The following ADCY10 variants were observed in gnomAD, a reference collection of about 807,000 sequenced individuals.
The protein encoded by ADCY10 is adenylate cyclase type 10.
A neutral mutation model predicts 183.3 loss-of-function variants in ADCY10; 156 were observed. The observed-to-expected ratio is 0.85, with a 90% CI of 0.75 to 0.97. The LOEUF is 0.97. ADCY10 is among the 50% of genes least tolerant of loss of function. ADCY10 has a pLI of 0.00. For synonymous variants in ADCY10, 645 were observed against 670.0 expected, an observed-to-expected ratio of 0.96 and a Z score of 0.58; for missense variants, 1,745 against 1,934.3, an observed-to-expected ratio of 0.90 and a Z score of 1.84.
At chr1:167,851,854 TTAGTC>T (rs1219873554) in intron 18 of ADCY10, among the ~76,000 whole-genome samples, 1 of 152,110 alleles carries the variant, frequency 6.6e-6, no homozygotes, top group African/African-American at 2.4e-5. Context: ...ATACAATACT[TTAGTC>T]TACTGTCCAT....
intron 31 of ADCY10, among the ~76,000 whole-genome samples, chr1:167,816,639 A>G (rs1400218355): frequency 6.6e-6 from 1 of 152,204 alleles, no homozygotes; most frequent in Non-Finnish European, 1.5e-5. Context: ...ACTTTTCCTC[A>G]GAAACCATGC....
At chr1:167,828,447 T>A (rs1231172189) in intron 26 of ADCY10, among the ~76,000 whole-genome samples, 1 of 152,246 alleles carries the variant, frequency 6.6e-6, no homozygotes, top group African/African-American at 2.4e-5. Context: ...CTCTCATGAA[T>A]ATACACTGGA....
intron 31 of ADCY10, among the ~76,000 whole-genome samples, chr1:167,811,719 T>C (rs1446713858): frequency 2.0e-5 from 3 of 152,080 alleles, no homozygotes; most frequent in Non-Finnish European, 4.4e-5. Context: ...GACTCACAAG[T>C]GGAAACCACT....
chr1:167,861,251 ATTAAT>A (rs1247361556), intron 14 of ADCY10, among the ~76,000 whole-genome samples, 188 bp from the exon 15 acceptor site: 1 of 152,106 alleles, frequency 6.6e-6, no homozygotes, highest in African/African-American at 2.4e-5. Context: ...CTAAGCCCTG[ATTAAT>A]TTAACCTAGC....
chr1:167,864,526 C>T (rs573047739), intron 14 of ADCY10, among the ~76,000 whole-genome samples: 27 of 151,896 alleles, frequency 1.8e-4, no homozygotes, highest in African/African-American at 6.5e-4. Context: ...CCCCCTTCGC[C>T]CCCACAGTAG....
intron 15 of ADCY10, among the ~76,000 whole-genome samples, chr1:167,860,334 T>A (rs148854862): frequency 1.3e-5 from 2 of 152,046 alleles, no homozygotes; most frequent in African/African-American, 4.8e-5. Flanking sequence ...CAGTTCACAA[T>A]AGGGTTCAGG....
intron 21 of ADCY10, among the ~76,000 whole-genome samples, chr1:167,844,887 CTGGCCACCATG>C (rs1360151107): frequency 6.6e-6 from 1 of 152,146 alleles, no homozygotes; most frequent in Non-Finnish European, 1.5e-5. Flanking sequence ...TAGGAGCTCC[CTGGCCACCATG>C]AATGGGGGCT....
At chr1:167,872,294 C>T (rs1667162556) in intron 13 of ADCY10, among the ~76,000 whole-genome samples, 1 of 151,614 alleles carries the variant, frequency 6.6e-6, no homozygotes, top group South Asian at 2.1e-4. Flanking sequence ...GCCGAGATGG[C>T]GCCATTGCAC....
intron 14 of ADCY10, among the ~76,000 whole-genome samples, chr1:167,861,721 T>A (rs1666300081): frequency 6.6e-6 from 1 of 152,210 alleles, no homozygotes; most frequent in Non-Finnish European, 1.5e-5. Context: ...CCTCACTATA[T>A]TCAACTTTTA....
intron 30 of ADCY10, chr1:167,818,539 C>T: frequency 2.0e-6 from 1 of 488,256 alleles, no homozygotes; most frequent in Admixed American, 2.8e-5. Context: ...TTGGCTTTGG[C>T]TTTTTTTCTT....
chr1:167,853,332 G>A (rs896703103), intron 18 of ADCY10, among the ~76,000 whole-genome samples: 1 of 152,016 alleles, frequency 6.6e-6, no homozygotes, highest in African/African-American at 2.4e-5. Context: ...ACCCCTAGAC[G>A]TTATGTGTAA....
At chr1:167,819,212 ACAATCC>A (rs1662717091) in intron 30 of ADCY10, among the ~76,000 whole-genome samples, 1 of 151,694 alleles carries the variant, frequency 6.6e-6, no homozygotes, top group African/African-American at 2.4e-5. Context: ...AGTATATGGT[ACAATCC>A]TTTGAATATT....
In ADCY10 at chr1:167,887,872, C is replaced by A. The variant is rs1364643631; in HGVS notation, c.829-4244G>T. 5.9e-5 allele frequency among the ~76,000 whole-genome samples: 9 copies of A among 151,578 alleles called. No individual in the cohort carries two copies. In the East Asian group the frequency reaches 1.7e-3, roughly 29 times the overall value. On this transcript the variant is annotated intron_variant, in intron 8 of 32. Coordinates refer to ENST00000367851, the MANE Select transcript of ADCY10 (RefSeq NM_018417.6). ...ATTACTCAAGAAATCTTTGCCCACT[C>A]CAATGTCCTTGAGAGTCTCCCCAAT...
At chr1:167,860,051 T>C (rs1008173120) in intron 15 of ADCY10, among the ~76,000 whole-genome samples, 158 bp from the exon 16 acceptor site, 5 of 152,176 alleles carry the variant, frequency 3.3e-5, no homozygotes, top group African/African-American at 1.2e-4. Flanking sequence ...ACTAGTTTTG[T>C]GGAAAACAAT....
chr1:167,851,575 C>CGTG (rs1665489701), intron 18 of ADCY10, among the ~76,000 whole-genome samples: 1 of 152,132 alleles, frequency 6.6e-6, no homozygotes. Flanking sequence ...GTAATCCCAG[C>CGTG]ATTTTGGGAG....
At chr1:167,814,227 T>C (rs1165670771) in intron 31 of ADCY10, among the ~76,000 whole-genome samples, 2 of 152,012 alleles carry the variant, frequency 1.3e-5, no homozygotes, top group African/African-American at 2.4e-5. Context: ...TAAAAGAGAC[T>C]CACTTTAGAT....
rs528175813 is a variant in ADCY10, at chr1:167,811,804, TG to T, written c.4483-892del. 1.6e-4 allele frequency among the ~76,000 whole-genome samples: 24 copies of T among 152,290 alleles called. No homozygotes were observed. The South Asian group carries it at 4.8e-3, about 30-fold the overall frequency. ...GCTAGAAACTCAGACTGGACCGGTC[TG>T]GGAGTTAAAAACTCTAGGGAGAAGA... is the stretch of plus-strand genomic sequence containing the variant. On this transcript the variant is annotated intron_variant, in intron 31 of 32. Transcript: ENST00000367851.
intron 14 of ADCY10, among the ~76,000 whole-genome samples, chr1:167,863,410 G>A (rs541748694): frequency 9.2e-5 from 14 of 152,224 alleles, no homozygotes; most frequent in African/African-American, 3.1e-4. Flanking sequence ...ACCCTCTCAT[G>A]CGGACCCCCT....
intron 15 of ADCY10, among the ~76,000 whole-genome samples, chr1:167,860,429 T>C (rs1666207789): frequency 6.6e-6 from 1 of 152,162 alleles, no homozygotes. Context: ...TGGCTATAAA[T>C]AGAGATGAAG....
Sources: gnomAD v4.1 joint callset for allele counts (sites outside exome capture counted in the v4.1 genomes callset) on GRCh38, gnomAD v4.1.1 for gene constraint, MANE v1.5 for transcripts, NCBI Gene and HGNC (gene_info 2026-07-23, HGNC 2026-07-21) for gene names.